CFAP47: variants seen among roughly 807,000 people sequenced by gnomAD.
The protein encoded by CFAP47 is cilia and flagella associated protein 47, also known as cilia- and flagella-associated protein 47.
In CFAP47, 29 loss-of-function variants were observed where a neutral mutation model predicts 148.1. That is an observed-to-expected ratio of 0.20 (90% CI 0.15 to 0.27). The LOEUF (loss-of-function observed/expected upper bound fraction) is 0.27, where lower values mean the gene tolerates loss of function less well. CFAP47 is among the 10% of genes least tolerant of loss of function. The probability of loss-of-function intolerance (pLI) is 1.00; values close to 1 mark genes in which losing one functional copy is unlikely to be tolerated. For synonymous variants in CFAP47, 664 were observed against 577.3 expected (o/e 1.15, Z -2.15); for missense variants, 1,872 against 1,697.5 (o/e 1.10, Z -1.81).
chrX:36,235,081 G>T (rs191478399), intron 46 of CFAP47, among the ~76,000 whole-genome samples: 171 of 111,624 alleles, frequency 1.5e-3, no homozygotes, highest in Middle Eastern at 9.2e-3. Context: ...GGACGCACTT[G>T]AGGAGGTAGT....
chrX:36,150,908 A>G (rs1209590020), intron 37 of CFAP47, among the ~76,000 whole-genome samples: 2 of 112,181 alleles, frequency 1.8e-5, no homozygotes, highest in East Asian at 5.5e-4. Context: ...TAATATGTCT[A>G]TTAAAAAACA....
chrX:36,305,222 A>C lies in CFAP47; in HGVS notation c.8082+1262A>C, dbSNP rs1487635867. 2.7e-5 allele frequency among the ~76,000 whole-genome samples: 3 copies of C among 112,086 alleles called. No individual in the cohort carries two copies. The Admixed American group carries it at 2.9e-4, about 11-fold the overall frequency. ...AAATTGGTGTATATGCTTTAATCTT[A>C]GAAAGCGTATATTAAAGTGTACACA... On this transcript the variant is annotated intron_variant, in intron 54 of 63. Transcript: ENST00000378653.
chrX:35,986,335 C>T (rs1032599027), intron 15 of CFAP47, among the ~76,000 whole-genome samples: 1 of 109,036 alleles, frequency 9.2e-6, no homozygotes, highest in African/African-American at 3.3e-5. Flanking sequence ...ATCTTGTGTT[C>T]GTACTTTATT....
intron 33 of CFAP47, among the ~76,000 whole-genome samples, chrX:36,136,623 TATGTG>T (rs1939049669): frequency 9.0e-6 from 1 of 111,203 alleles, no homozygotes; most frequent in Admixed American, 9.6e-5. Context: ...AAATAGTGAC[TATGTG>T]AAGTGATGAA....
intron 26 of CFAP47, among the ~76,000 whole-genome samples, chrX:36,048,622 C>T (rs1937494113): frequency 9.0e-6 from 1 of 111,611 alleles, no homozygotes; most frequent in African/African-American, 3.3e-5. Flanking sequence ...GCTTTCCCAT[C>T]CACAATAATG....
At chrX:36,083,526 T>A (rs974557644) in intron 29 of CFAP47, among the ~76,000 whole-genome samples, 1 of 111,808 alleles carries the variant, frequency 8.9e-6, no homozygotes, top group Non-Finnish European at 1.9e-5. Context: ...TGACTTTAGA[T>A]TCAAGCTAAG....
intron 10 of CFAP47, among the ~76,000 whole-genome samples, chrX:35,969,371 A>T (rs1936455927): frequency 8.9e-6 from 1 of 111,844 alleles, no homozygotes. Context: ...TATTTGCTGC[A>T]GTATGCCTTG....
At chrX:36,327,471 T>C (rs6629075) in intron 57 of CFAP47, among the ~76,000 whole-genome samples, 13,084 of 111,462 alleles carry the variant, frequency 0.12, 622 homozygotes, top group East Asian at 0.26. Context: ...TAATATCTGA[T>C]GCTGGCATGG....
rs371356182 is a variant in CFAP47, at chrX:36,350,056, C to T, written c.8622C>T (p.Ser2874=). The change falls in exon 59 of 64, where the codon AGC becomes AGT. Residue 2874 remains serine (S), a synonymous_variant. Coordinates refer to ENST00000378653, the MANE Select transcript of CFAP47 (RefSeq NM_001304548.2). ...IKFKSIVGID[S]EEIQAIHWIY... is the part of the protein sequence containing the mutation. ...TAATTAGTATTGTGGGAATCGACAG[C>T]GAAGAAATCCAAGCAATACACTGGA... 111 of 1,151,267 alleles carry T rather than the reference C, an allele frequency of 9.6e-5. No homozygotes were observed. Among genetic ancestry groups the T allele is most frequent in the Admixed American group, 7.9e-4 (30 of 38,011 alleles). The allele number at this position is 1,151,267 out of a possible 1,213,427, so 94.9% of individuals were successfully genotyped here.
chrX:35,942,927 G>A (rs1431857786), intron 3 of CFAP47, among the ~76,000 whole-genome samples: 1 of 111,597 alleles, frequency 9.0e-6, no homozygotes, highest in Non-Finnish European at 1.9e-5. Context: ...CCTTGGTTGG[G>A]TTTATTATAC....
In CFAP47 at chrX:35,924,420, C is replaced by T. The variant is rs775702591; in HGVS notation, c.250-1597C>T. Among the ~76,000 whole-genome samples the T allele has an allele frequency of 3.0e-5, 3 of 99,444 alleles. No individual in the cohort carries two copies. The East Asian group carries it at 9.4e-4, about 31-fold the overall frequency. The allele number at this position is 99,444 out of a possible 115,157, so 86.4% of individuals were successfully genotyped here. Reference sequence around the variant, plus strand: ...ATATGCACACACATATGTGTATATGCACACATATGTGTATATATGTACACC... The same window carrying T: ...ATATGCACACACATATGTGTATATGTACACATATGTGTATATATGTACACC... On this transcript the variant is annotated intron_variant, in intron 1 of 63. Transcript: ENST00000378653.
In CFAP47 at chrX:36,303,940, G is replaced by C. The variant is rs201822817; in HGVS notation, c.8062G>C (p.Asp2688His). Residue 2688 changes from aspartate to histidine, a missense_variant, in exon 54 of 64, where the codon GAT (aspartate) becomes CAT (histidine). By Grantham distance (81) the Asp-to-His change is moderately conservative. Transcript: ENST00000378653. ...CAGTAATCCTGAAAATTTTGTCCTG[G>C]ATATTAACAGAAAATCACAAGTAAG... ...TNSNPENFVL[D>H]INRKSQLIIS... 1.1e-3 allele frequency: 1,168 copies of C among 1,076,315 alleles called. No individual in the cohort carries two copies. The highest frequency in any genetic ancestry group is 1.2e-3 in the Non-Finnish European group (925 of 800,553). 88.7% of individuals were successfully genotyped at this position (1,076,315 alleles called of 1,213,427 possible).
chrX:36,355,213 C>A (rs7886097), intron 60 of CFAP47, among the ~76,000 whole-genome samples: 35,480 of 109,016 alleles, frequency 0.33, 6,918 homozygotes, highest in African/African-American at 0.73. Context: ...CAAAAAAAAA[C>A]GTGTTGATAA....
At chrX:36,057,963 G>A (rs181306355) in intron 26 of CFAP47, among the ~76,000 whole-genome samples, 1 of 111,930 alleles carries the variant, frequency 8.9e-6, no homozygotes, top group African/African-American at 3.2e-5. Flanking sequence ...ACATAAAGAA[G>A]CATCAATGGC....
At chrX:36,324,477 A>G (rs2146969359) in intron 57 of CFAP47, among the ~76,000 whole-genome samples, 1 of 111,779 alleles carries the variant, frequency 8.9e-6, no homozygotes, top group East Asian at 2.8e-4. Context: ...CATTATGGTC[A>G]AATAATCTGT....
chrX:35,936,542 A>C (rs145590302), intron 2 of CFAP47, among the ~76,000 whole-genome samples: 1 of 108,545 alleles, frequency 9.2e-6, no homozygotes, highest in African/African-American at 3.4e-5. Flanking sequence ...TGCTCTCATC[A>C]AAATCGTTAT....
intron 57 of CFAP47, among the ~76,000 whole-genome samples, chrX:36,340,067 A>G (rs1556015503): frequency 8.9e-6 from 1 of 111,936 alleles, no homozygotes; most frequent in Non-Finnish European, 1.9e-5. Flanking sequence ...TAGCTCTACG[A>G]AAGGTTAACA....
chrX:35,969,260 T>C (rs916109095), intron 10 of CFAP47, among the ~76,000 whole-genome samples: 4 of 111,218 alleles, frequency 3.6e-5, no homozygotes, highest in Non-Finnish European at 7.6e-5. Flanking sequence ...AGTTTTATAG[T>C]GTATTTACTT....
intron 22 of CFAP47, among the ~76,000 whole-genome samples, chrX:36,017,828 A>G (rs1937113427): frequency 9.1e-6 from 1 of 110,449 alleles, no homozygotes; most frequent in Non-Finnish European, 1.9e-5. Context: ...TCTAGTTTTG[A>G]ACTTTTGCCT....
Sources: gnomAD v4.1 joint callset for allele counts (sites outside exome capture counted in the v4.1 genomes callset) on GRCh38, gnomAD v4.1.1 for gene constraint, MANE v1.5 for transcripts, NCBI Gene and HGNC (gene_info 2026-07-23, HGNC 2026-07-21) for gene names.